The following NOL9 variants were observed in gnomAD, a reference collection of about 807,000 sequenced individuals.
The protein encoded by NOL9 is polynucleotide 5'-hydroxyl-kinase NOL9.
NOL9 carries 28 observed loss-of-function variants against 67.9 expected under a neutral mutation model. The observed-to-expected ratio is 0.41, with a 90% CI of 0.31 to 0.57. The LOEUF is 0.57. Ranked by LOEUF, NOL9 falls within the 20% of genes least tolerant of loss-of-function variation. NOL9 has a pLI of 0.25. For synonymous variants in NOL9, 356 were observed against 352.2 expected (o/e 1.01, Z -0.12); for missense variants, 777 against 897.0 (o/e 0.87, Z 1.71).
chr1:6,530,838 C>G (rs931916545), intron 9 of NOL9, among the ~76,000 whole-genome samples: 4 of 152,242 alleles, frequency 2.6e-5, no homozygotes, highest in Non-Finnish European at 5.9e-5. Flanking sequence ...AGCAAGCGCT[C>G]AAAACCGGAC....
At chr1:6,543,506 A>C (rs1433924350) in intron 5 of NOL9, among the ~76,000 whole-genome samples, 2 of 151,334 alleles carry the variant, frequency 1.3e-5, no homozygotes, top group Admixed American at 1.3e-4. Flanking sequence ...TTATTTATTT[A>C]TTTATTTATT....
In NOL9 at chr1:6,522,899, AAAG is replaced by A. The variant is rs1482154436; in HGVS notation, c.*2952_*2954del. 1 of 149,916 alleles carries A rather than the reference AAAG, an allele frequency of 6.7e-6. No individual in the cohort carries two copies. The highest frequency in any genetic ancestry group is 1.5e-5 in the Non-Finnish European group (1 of 67,532). The allele number at this position is 149,916 out of a possible 1,614,324, so 9.3% of individuals were successfully genotyped here. A position where few individuals can be genotyped will look rare whatever the true frequency, so the allele number is the denominator to read the frequency against. ...ACTCTGTCTCAAAAAAAAAAAAAAA[AAAG>A]AAATTGCTTCAGCACTTTGGGAGGC... On this transcript the variant is annotated 3_prime_UTR_variant, in exon 12 of 12. Coordinates refer to ENST00000377705, the MANE Select transcript of NOL9 (RefSeq NM_024654.5).
chr1:6,552,040 AAAAG>A (rs1442340360), intron 1 of NOL9, among the ~76,000 whole-genome samples: 2 of 152,222 alleles, frequency 1.3e-5, no homozygotes, highest in Non-Finnish European at 1.5e-5. Context: ...ATCTCAAAAA[AAAAG>A]AAAGAAAATC....
intron 1 of NOL9, among the ~76,000 whole-genome samples, chr1:6,553,347 G>A (rs1313846616): frequency 6.6e-6 from 1 of 152,058 alleles, no homozygotes; most frequent in African/African-American, 2.4e-5. Flanking sequence ...GCCTGAGTTC[G>A]ACTCCTAGCT....
rs1402039164 is a variant in NOL9, at chr1:6,544,889, C to A, written c.914G>T (p.Cys305Phe). 6.2e-7 allele frequency: 1 copy of A among 1,614,228 alleles called. No individual in the cohort carries two copies. The highest frequency in any genetic ancestry group is 8.5e-7 in the Non-Finnish European group (1 of 1,180,038). ...TGACTTTCCAACATCCTGGGATCCACAAACTAGAATGACAGGGCAGCCATC... is the reference window on the plus strand; with the variant it reads ...TGACTTTCCAACATCCTGGGATCCAAAAACTAGAATGACAGGGCAGCCATC... ...EVDGCPVILVCGSQDVGKSTF... is the reference protein window; with the variant it reads ...EVDGCPVILVFGSQDVGKSTF... The change falls in exon 5 of 12, where the codon TGT becomes TTT. Residue 305 changes from cysteine (C) to phenylalanine (F), a missense_variant. Coordinates refer to ENST00000377705, the MANE Select transcript of NOL9 (RefSeq NM_024654.5).
At chr1:6,530,611 T>C (rs998527559) in intron 9 of NOL9, among the ~76,000 whole-genome samples, 8 of 152,176 alleles carry the variant, frequency 5.3e-5, no homozygotes, top group African/African-American at 1.9e-4. Context: ...CCAGGGGAGA[T>C]AACTCAGAGG....
chr1:6,528,195 G>A (rs1638933916), intron 10 of NOL9, among the ~76,000 whole-genome samples: 1 of 152,180 alleles, frequency 6.6e-6, no homozygotes, highest in Non-Finnish European at 1.5e-5. Context: ...TCAAGGAAGT[G>A]GGGACCCAAT....
At chr1:6,526,862 C>A in intron 10 of NOL9, 33 bp from the exon 11 acceptor site, 1 of 1,539,426 alleles carries the variant, frequency 6.5e-7, no homozygotes, top group South Asian at 1.2e-5. Context: ...AAAAATCACC[C>A]TTTTGGAAAA....
rs757196069 is a variant in NOL9 at position 6,554,237 on chromosome 1, G to A, written c.266C>T (p.Pro89Leu). ...GGACTCGGGTTCGGAGGCCGGGGTCGGGCTAGGGATCGGGCTGGGGGTCGC... is the reference window on the plus strand; with the variant it reads ...GGACTCGGGTTCGGAGGCCGGGGTCAGGCTAGGGATCGGGCTGGGGGTCGC... ...NTATPSPIPS[P>L]TPASEPESEP... is the part of the protein sequence containing the mutation. The change falls in exon 1 of 12, where the codon CCG becomes CTG. Residue 89 changes from proline (P) to leucine (L), a missense_variant. Transcript: ENST00000377705. 2.6e-6 allele frequency: 4 copies of A among 1,509,882 alleles called. No individual in the cohort carries two copies. In the African/African-American group the frequency reaches 4.3e-5, roughly 16 times the overall value. The allele number at this position is 1,509,882 out of a possible 1,614,324, so 93.5% of individuals were successfully genotyped here.
chr1:6,536,808 C>A (rs1170763814), intron 6 of NOL9, among the ~76,000 whole-genome samples: 1 of 152,066 alleles, frequency 6.6e-6, no homozygotes, highest in Non-Finnish European at 1.5e-5. Context: ...CAGAGCAAGA[C>A]CCGGTCTCAA....
chr1:6,525,741 T>C lies in NOL9; in HGVS notation c.*113A>G. On this transcript the variant is annotated 3_prime_UTR_variant, in exon 12 of 12. Transcript: ENST00000377705. ...TTCACGAATTACACAAAAAACACTG[T>C]TGCTAATAAGGGCACCATTCATGGC... 9.3e-7 allele frequency: 1 copy of C among 1,075,856 alleles called. No individual in the cohort carries two copies. Among genetic ancestry groups the C allele is most frequent in the Non-Finnish European group, 1.4e-6 (1 of 721,608 alleles). The allele number at this position is 1,075,856 out of a possible 1,614,324, so 66.6% of individuals were successfully genotyped here. A position where few individuals can be genotyped will look rare whatever the true frequency, so the allele number is the denominator to read the frequency against.
Position 6,553,342 on chromosome 1 carries a change from A to ATT in NOL9, c.396+764_396+765insAA, listed in dbSNP as rs142996609. 2.6e-5 allele frequency among the ~76,000 whole-genome samples: 4 copies of ATT among 152,218 alleles called. No homozygotes were observed. The East Asian group carries it at 7.7e-4, about 29-fold the overall frequency. On this transcript the variant is annotated intron_variant, in intron 1 of 11. Coordinates refer to ENST00000377705, the MANE Select transcript of NOL9 (RefSeq NM_024654.5). ...TCCACGTTAAGAATCAGGCTGCCTG[A>ATT]GTTCGACTCCTAGCTCTCCCTCTAC... is the stretch of plus-strand genomic sequence containing the variant.
Position 6,538,901 on chromosome 1 carries a change from G to A in NOL9, c.1075+2929C>T, listed in dbSNP as rs572334790. On this transcript the variant is annotated intron_variant, in intron 6 of 11. Coordinates refer to ENST00000377705, the MANE Select transcript of NOL9 (RefSeq NM_024654.5). Reference sequence around the variant, plus strand: ...GCAGGAGAACTGCTTGAACCCGGGAGGTGGAGGCTGTAGTGAGCTGAGATC... The same window carrying A: ...GCAGGAGAACTGCTTGAACCCGGGAAGTGGAGGCTGTAGTGAGCTGAGATC... Among the ~76,000 whole-genome samples, 5 of 152,308 alleles carry A rather than the reference G, an allele frequency of 3.3e-5. No individual in the cohort carries two copies. In the South Asian group the frequency reaches 1.0e-3, roughly 32 times the overall value.
Position 6,527,437 on chromosome 1 carries a change from A to G in NOL9, c.1826-608T>C, listed in dbSNP as rs533901307. ...TGAGGCGGGTACATCGAATGAGGTC[A>G]GGAGTTTGCGACCAGCCTGGCCAAC... On this transcript the variant is annotated intron_variant, in intron 10 of 11. Coordinates refer to ENST00000377705, the MANE Select transcript of NOL9 (RefSeq NM_024654.5). Among the ~76,000 whole-genome samples the G allele has an allele frequency of 1.5e-4, 23 of 152,096 alleles. No homozygotes were observed. In the South Asian group the frequency reaches 4.6e-3, roughly 30 times the overall value.
chr1:6,524,744 A>ATT lies in NOL9; in HGVS notation c.*1108_*1109dup. On this transcript the variant is annotated 3_prime_UTR_variant, in exon 12 of 12. Coordinates refer to ENST00000377705, the MANE Select transcript of NOL9 (RefSeq NM_024654.5). ...CCCAGAAGAGGTTTTCCAGATTATT[A>ATT]TTTTTTTTTTTTGAGATGGAGTCTT... 1 of 147,612 alleles carries ATT rather than the reference A, an allele frequency of 6.8e-6. No individual in the cohort carries two copies. Among genetic ancestry groups the ATT allele is most frequent in the Non-Finnish European group, 1.5e-5 (1 of 66,472 alleles). The allele number at this position is 147,612 out of a possible 1,614,324, so 9.1% of individuals were successfully genotyped here.
At chr1:6,539,560 C>T (rs2148656618) in intron 6 of NOL9, among the ~76,000 whole-genome samples, 1 of 152,362 alleles carries the variant, frequency 6.6e-6, no homozygotes, top group Middle Eastern at 3.4e-3. Context: ...TTTCAGCTCA[C>T]TGCAGCCTCT....
At chr1:6,526,920 A>C in intron 10 of NOL9, 91 bp from the exon 11 acceptor site, 1 of 1,432,888 alleles carries the variant, frequency 7.0e-7, no homozygotes, top group African/African-American at 1.4e-5. Context: ...TTTGAACATA[A>C]GTCTTTATAT....
At position 6,526,229 on chromosome 1, in the gene NOL9, A is replaced by T. The variant is rs141395257; in HGVS notation, c.1960-226T>A. Among the ~76,000 whole-genome samples the T allele has an allele frequency of 3.6e-4, 55 of 152,290 alleles. 2 individuals carry two copies. In the East Asian group the frequency reaches 6.9e-3, roughly 19 times the overall value. On this transcript the variant is annotated intron_variant, in intron 11 of 11. Coordinates refer to ENST00000377705, the MANE Select transcript of NOL9 (RefSeq NM_024654.5). ...GTCCCATTCCATCAACACAGCAAAC[A>T]GCGTGAGGCAGAGTGGGGGTGCAGT...
intron 9 of NOL9, among the ~76,000 whole-genome samples, chr1:6,530,143 A>G (rs937331586): frequency 1.3e-5 from 2 of 151,894 alleles, no homozygotes; most frequent in African/African-American, 4.8e-5. Flanking sequence ...AAAGAAACAA[A>G]AAACACTTAA....
Sources: allele counts gnomAD v4.1 joint callset (sites outside exome capture counted in the v4.1 genomes callset), GRCh38; gene constraint gnomAD v4.1.1; transcripts MANE v1.5; gene names NCBI Gene and HGNC (gene_info 2026-07-23, HGNC 2026-07-21).